The following PCDH15 variants were observed in gnomAD, a reference collection of about 807,000 sequenced individuals.
PCDH15 encodes protocadherin related 15.
Under a neutral mutation model 178.5 loss-of-function variants are expected in PCDH15, and 129 were observed. The observed-to-expected ratio is 0.72, with a 90% CI of 0.63 to 0.84. The LOEUF (loss-of-function observed/expected upper bound fraction) is 0.84, where lower values mean the gene tolerates loss of function less well. PCDH15 is among the 40% of genes least tolerant of loss of function. The pLI is 0.00. For synonymous variants in PCDH15, 800 were observed against 732.0 expected (o/e 1.09, Z -1.50); for missense variants, 2,230 against 2,099.9 (o/e 1.06, Z -1.21).
At position 54,155,767 on chromosome 10, in the gene PCDH15, AG is replaced by A. The variant is rs548221804; in HGVS notation, c.1591-2475del. On this transcript the variant is annotated intron_variant, in intron 13 of 37. Coordinates refer to ENST00000644397, the MANE Select transcript of PCDH15 (RefSeq NM_001384140.1). Reference sequence around the variant, plus strand: ...ACCTGAGATCATGCCACTGCACTCCAGCCTGGCAACAGAGTGAGACTCTTAA... The same window carrying A: ...ACCTGAGATCATGCCACTGCACTCCACCTGGCAACAGAGTGAGACTCTTAA... Among the ~76,000 whole-genome samples the A allele has an allele frequency of 2.4e-3, 356 of 150,242 alleles. 3 individuals carry two copies. The highest frequency in any genetic ancestry group is 3.0e-3 in the Non-Finnish European group (201 of 67,624).
rs1470333410 is a variant in PCDH15 at position 54,238,710 on chromosome 10, C to CACACACACAA, written c.877-1780_877-1779insTTGTGTGTGT. ...ACACACACACACACACACACACACA[C>CACACACACAA]ACACTTTCCCAATAATCAATTTGCT... On this transcript the variant is annotated intron_variant, in intron 8 of 37. Coordinates refer to ENST00000644397, the MANE Select transcript of PCDH15 (RefSeq NM_001384140.1). Among the ~76,000 whole-genome samples, 910 of 150,326 alleles carry CACACACACAA rather than the reference C, an allele frequency of 6.1e-3. 10 individuals are homozygous for CACACACACAA. Among genetic ancestry groups the CACACACACAA allele is most frequent in the African/African-American group, 0.021 (854 of 40,590 alleles).
intron 2 of PCDH15, among the ~76,000 whole-genome samples, chr10:55,143,084 C>G (rs896684074): frequency 1.3e-5 from 2 of 152,080 alleles, no homozygotes; most frequent in Admixed American, 1.3e-4. Flanking sequence ...TGCTCGCGCT[C>G]GCGCTCTCTC....
intron 13 of PCDH15, among the ~76,000 whole-genome samples, chr10:54,161,142 A>G (rs2045670329): frequency 6.6e-6 from 1 of 152,202 alleles, no homozygotes; most frequent in Non-Finnish European, 1.5e-5. Context: ...AACAACTGAA[A>G]TGCCCATCAA....
chr10:54,487,038 T>A (rs12570763), intron 3 of PCDH15, among the ~76,000 whole-genome samples: 14,518 of 152,096 alleles, frequency 0.095, 883 homozygotes, highest in East Asian at 0.28. Context: ...CCATTCATAC[T>A]TGTCATTATT....
At chr10:54,362,199 A>C (rs1052084945) in intron 5 of PCDH15, among the ~76,000 whole-genome samples, 2 of 152,070 alleles carry the variant, frequency 1.3e-5, no homozygotes, top group African/African-American at 4.8e-5. Context: ...ATTCAAAGTC[A>C]GGAGGTATGA....
chr10:54,296,315 A>T (rs111985216), intron 8 of PCDH15, among the ~76,000 whole-genome samples: 7,203 of 151,970 alleles, frequency 0.047, 567 homozygotes, highest in African/African-American at 0.17. Flanking sequence ...GGCTGAGCCG[A>T]GGGTAGACAG....
rs909018916 is a variant in PCDH15 at position 54,337,671 on chromosome 10, G to A, written c.595-7965C>T. On this transcript the variant is annotated intron_variant, in intron 6 of 37. Transcript: ENST00000644397. ...TCCCTACACTGGCCCTTTAGCACTA[G>A]CCCTTTGAAAGAAACATCTGACAGA... 5.3e-5 allele frequency among the ~76,000 whole-genome samples: 8 copies of A among 152,122 alleles called. No homozygotes were observed. The South Asian group carries it at 1.0e-3, about 20-fold the overall frequency.
intron 8 of PCDH15, among the ~76,000 whole-genome samples, chr10:54,311,336 C>T (rs2060892139): frequency 1.3e-5 from 2 of 152,034 alleles, no homozygotes; most frequent in African/African-American, 4.8e-5. Context: ...GAAAAAACAG[C>T]CAACCAATCA....
chr10:53,895,915 C>T (rs2610821), intron 26 of PCDH15, among the ~76,000 whole-genome samples: 14,455 of 152,078 alleles, frequency 0.095, 1,987 homozygotes, highest in African/African-American at 0.3. Context: ...TAAGAGGTTA[C>T]AAGAAAAGTT....
intron 2 of PCDH15, among the ~76,000 whole-genome samples, chr10:54,567,374 T>C (rs962598480): frequency 3.3e-5 from 5 of 152,166 alleles, no homozygotes; most frequent in African/African-American, 1.2e-4. Context: ...TGAATCCTAC[T>C]TTTGATGTTG....
chr10:54,562,647 A>T (rs757490729), intron 2 of PCDH15, among the ~76,000 whole-genome samples: 48 of 152,160 alleles, frequency 3.2e-4, no homozygotes, highest in Non-Finnish European at 5.1e-4. Flanking sequence ...TAACATATAC[A>T]AGTATACATA....
At chr10:53,878,794 G>A (rs2080474380) in intron 26 of PCDH15, among the ~76,000 whole-genome samples, 2 of 152,148 alleles carry the variant, frequency 1.3e-5, no homozygotes, top group South Asian at 2.1e-4. Context: ...TGGCTTAAAT[G>A]TCTATAGAAG....
chr10:55,531,867 C>A (rs1343317390), intron 2 of PCDH15, among the ~76,000 whole-genome samples: 1 of 151,878 alleles, frequency 6.6e-6, no homozygotes, highest in African/African-American at 2.4e-5. Context: ...TATATAGAGA[C>A]CTGTGTAAGA....
At chr10:54,618,870 C>A (rs2093268943) in intron 2 of PCDH15, among the ~76,000 whole-genome samples, 1 of 151,786 alleles carries the variant, frequency 6.6e-6, no homozygotes, top group African/African-American at 2.4e-5. Context: ...TATATAGAGA[C>A]AACGGCAGCA....
At chr10:54,616,143 G>A (rs1026512809) in intron 2 of PCDH15, among the ~76,000 whole-genome samples, 5 of 151,970 alleles carry the variant, frequency 3.3e-5, no homozygotes, top group African/African-American at 9.7e-5. Flanking sequence ...TAAAAATAAA[G>A]TTTAAAAAAC....
intron 15 of PCDH15, among the ~76,000 whole-genome samples, chr10:54,094,854 G>C (rs2094670958): frequency 6.6e-6 from 1 of 152,034 alleles, no homozygotes; most frequent in Admixed American, 6.6e-5. Context: ...TGCAGCATCT[G>C]ACTTAGAGTC....
At chr10:54,909,374 C>A (rs1404847657) in intron 2 of PCDH15, among the ~76,000 whole-genome samples, 1 of 152,146 alleles carries the variant, frequency 6.6e-6, no homozygotes, top group African/African-American at 2.4e-5. Context: ...TAGCCCCTGT[C>A]TCAGCCTCCC....
At chr10:54,487,542 A>C (rs913045298) in intron 3 of PCDH15, among the ~76,000 whole-genome samples, 1 of 152,064 alleles carries the variant, frequency 6.6e-6, no homozygotes, top group Non-Finnish European at 1.5e-5. Context: ...TATTAGCTTT[A>C]TGAGGTTTAT....
At chr10:54,005,640 T>C (rs1416356602) in intron 20 of PCDH15, among the ~76,000 whole-genome samples, 1 of 152,092 alleles carries the variant, frequency 6.6e-6, no homozygotes, top group Non-Finnish European at 1.5e-5. Context: ...ATGGCTTTTA[T>C]CTAAAAGTCA....
Sources: allele counts gnomAD v4.1 joint callset (sites outside exome capture counted in the v4.1 genomes callset), GRCh38; gene constraint gnomAD v4.1.1; transcripts MANE v1.5; gene names NCBI Gene and HGNC (gene_info 2026-07-23, HGNC 2026-07-21).